The following ZFPM2 variants were observed in gnomAD, a reference collection of about 807,000 sequenced individuals.
ZFPM2 encodes zinc finger protein ZFPM2.
A neutral mutation model predicts 98.6 loss-of-function variants in ZFPM2; 20 were observed. That is an observed-to-expected ratio of 0.20 (90% CI 0.14 to 0.29). The LOEUF (loss-of-function observed/expected upper bound fraction) is 0.29, where lower values mean the gene tolerates loss of function less well. Ranked by LOEUF, ZFPM2 falls within the 10% of genes least tolerant of loss-of-function variation. The pLI is 1.00. For missense variants in ZFPM2, 1,310 were observed against 1,388.6 expected, an observed-to-expected ratio of 0.94 and a Z score of 0.90; for synonymous variants, 518 against 502.7, an observed-to-expected ratio of 1.03 and a Z score of -0.41.
intron 4 of ZFPM2, among the ~76,000 whole-genome samples, chr8:105,580,844 T>TAAAA (rs397836792): frequency 6.7e-6 from 1 of 148,746 alleles, no homozygotes; most frequent in Non-Finnish European, 1.5e-5. Flanking sequence ...TATATATATA[T>TAAAA]AAATCACTGA....
At chr8:105,771,324 C>A (rs1812974568) in intron 5 of ZFPM2, among the ~76,000 whole-genome samples, 1 of 152,066 alleles carries the variant, frequency 6.6e-6, no homozygotes, top group Admixed American at 6.6e-5. Context: ...TTTACAAAAT[C>A]CTATCACAAC....
At position 105,790,579 on chromosome 8, in the gene ZFPM2, T is replaced by C. The variant is rs961214655; in HGVS notation, c.739+1655T>C. On this transcript the variant is annotated intron_variant, in intron 6 of 7. Transcript: ENST00000407775. ...TTAGGATTGACTTGGTGATGCGGGCTCTTTTTTGGTTCCATATGAACTTTA... is the reference window on the plus strand; with the variant it reads ...TTAGGATTGACTTGGTGATGCGGGCCCTTTTTTGGTTCCATATGAACTTTA... Among the ~76,000 whole-genome samples, 75 of 152,230 alleles carry C rather than the reference T, an allele frequency of 4.9e-4. No individual in the cohort carries two copies. In the East Asian group the frequency reaches 0.011, roughly 22 times the overall value.
chr8:105,472,190 A>G (rs1354851719), intron 3 of ZFPM2, among the ~76,000 whole-genome samples: 1 of 152,198 alleles, frequency 6.6e-6, no homozygotes, highest in Non-Finnish European at 1.5e-5. Flanking sequence ...GAATCAAACT[A>G]ATAATTAGTA....
intron 1 of ZFPM2, among the ~76,000 whole-genome samples, chr8:105,359,299 A>G (rs1200715869): frequency 1.3e-5 from 2 of 151,764 alleles, no homozygotes; most frequent in African/African-American, 4.8e-5. Flanking sequence ...CTGTGAGTCA[A>G]TTAAACCTCC....
At chr8:105,618,629 T>G (rs1023320779) in intron 4 of ZFPM2, among the ~76,000 whole-genome samples, 1 of 152,194 alleles carries the variant, frequency 6.6e-6, no homozygotes, top group Non-Finnish European at 1.5e-5. Context: ...ACATATCCAG[T>G]GCTGCTTAAG....
intron 1 of ZFPM2, chr8:105,358,672 T>C (rs534965061): frequency 5.9e-5 from 9 of 152,472 alleles, no homozygotes; most frequent in Non-Finnish European, 1.0e-4. Flanking sequence ...TAAGAGCTAC[T>C]TGTTGGCTGG....
chr8:105,586,848 T>TTTTA (rs1554619527), intron 4 of ZFPM2, among the ~76,000 whole-genome samples: 11 of 147,008 alleles, frequency 7.5e-5, no homozygotes, highest in Middle Eastern at 3.6e-3. Flanking sequence ...TATAAATATT[T>TTTTA]TATATATATA....
At chr8:105,514,285 G>A (rs1406428391) in intron 3 of ZFPM2, among the ~76,000 whole-genome samples, 1 of 149,380 alleles carries the variant, frequency 6.7e-6, no homozygotes, top group African/African-American at 2.5e-5. Context: ...TTACAGGCGT[G>A]AGCCACCGTT....
intron 5 of ZFPM2, among the ~76,000 whole-genome samples, chr8:105,717,668 C>T (rs1469361885): frequency 2.0e-5 from 3 of 151,652 alleles, no homozygotes; most frequent in Non-Finnish European, 2.9e-5. Flanking sequence ...GAGTTATTGC[C>T]TCAATTATCA....
At chr8:105,456,913 A>G (rs1441206553) in intron 3 of ZFPM2, among the ~76,000 whole-genome samples, 2 of 152,154 alleles carry the variant, frequency 1.3e-5, no homozygotes, top group East Asian at 1.9e-4. Flanking sequence ...TGGGCCTCCC[A>G]AAGTGCTGGG....
chr8:105,572,553 C>A (rs751546918), intron 4 of ZFPM2, among the ~76,000 whole-genome samples: 4 of 151,948 alleles, frequency 2.6e-5, no homozygotes, highest in African/African-American at 9.7e-5. Context: ...CCACAACCTC[C>A]GCCTCCCAGG....
intron 4 of ZFPM2, among the ~76,000 whole-genome samples, chr8:105,609,554 A>G (rs1460978185): frequency 1.3e-5 from 2 of 152,196 alleles, no homozygotes; most frequent in Non-Finnish European, 2.9e-5. Flanking sequence ...CCTAGTGCAC[A>G]GCCTCCCATT....
At chr8:105,581,758 G>T (rs772845644) in intron 4 of ZFPM2, among the ~76,000 whole-genome samples, 1 of 152,084 alleles carries the variant, frequency 6.6e-6, no homozygotes, top group Non-Finnish European at 1.5e-5. Flanking sequence ...CATACCTAAT[G>T]CCATAAACTA....
chr8:105,557,539 C>G (rs753360818), intron 3 of ZFPM2, among the ~76,000 whole-genome samples: 3 of 152,166 alleles, frequency 2.0e-5, no homozygotes, highest in Non-Finnish European at 2.9e-5. Context: ...TCTCTCTGCC[C>G]TAAGTTCTAA....
At chr8:105,795,234 C>G (rs1383901108) in intron 6 of ZFPM2, among the ~76,000 whole-genome samples, 1 of 144,522 alleles carries the variant, frequency 6.9e-6, no homozygotes, top group Non-Finnish European at 1.5e-5. Context: ...GCTCCTCCCC[C>G]TCATTTTATC....
intron 1 of ZFPM2, among the ~76,000 whole-genome samples, chr8:105,334,174 T>A (rs1332766084): frequency 7.6e-6 from 1 of 132,344 alleles, no homozygotes; most frequent in Non-Finnish European, 1.6e-5. Flanking sequence ...GGGGGAGGGG[T>A]TTGGGGCCAG....
At chr8:105,437,233 C>T (rs2130173315) in intron 2 of ZFPM2, among the ~76,000 whole-genome samples, 1 of 152,252 alleles carries the variant, frequency 6.6e-6, no homozygotes, top group Non-Finnish European at 1.5e-5. Context: ...GTATACTTAA[C>T]TACTATTGTA....
At chr8:105,665,262 A>C (rs1410454687) in intron 5 of ZFPM2, among the ~76,000 whole-genome samples, 1 of 152,162 alleles carries the variant, frequency 6.6e-6, no homozygotes, top group Non-Finnish European at 1.5e-5. Flanking sequence ...AACACCTTTC[A>C]CTAGGGCCCA....
Position 105,467,010 on chromosome 8 carries a change from G to A in ZFPM2, c.301+22629G>A, listed in dbSNP as rs567778715. 7.2e-5 allele frequency among the ~76,000 whole-genome samples: 11 copies of A among 152,148 alleles called. No homozygotes were observed. The South Asian group carries it at 2.1e-3, about 29-fold the overall frequency. ...TAAGTTTCAGTTTCCTCATGGAAAT[G>A]ATGCCTACCTCCTGTATCTCTTGTG... is the stretch of plus-strand genomic sequence containing the variant. On this transcript the variant is annotated intron_variant, in intron 3 of 7. Coordinates refer to ENST00000407775, the MANE Select transcript of ZFPM2 (RefSeq NM_012082.4).
Sources: allele counts gnomAD v4.1 joint callset (sites outside exome capture counted in the v4.1 genomes callset), GRCh38; gene constraint gnomAD v4.1.1; transcripts MANE v1.5; gene names NCBI Gene and HGNC (gene_info 2026-07-23, HGNC 2026-07-21).